SPATA16: variants seen among roughly 807,000 people sequenced by gnomAD.
The protein encoded by SPATA16 is spermatogenesis associated 16, also known as spermatogenesis-associated protein 16.
SPATA16 carries 36 observed loss-of-function variants against 63.3 expected under a neutral mutation model. That is an observed-to-expected ratio of 0.57 (90% CI 0.44 to 0.75). The LOEUF is 0.75. Among genes scored for constraint, SPATA16 ranks in the 30% least tolerant of loss-of-function variants. The probability of loss-of-function intolerance (pLI) is 0.00; values close to 1 mark genes in which losing one functional copy is unlikely to be tolerated. For missense variants in SPATA16, 646 were observed against 679.3 expected, an observed-to-expected ratio of 0.95 and a Z score of 0.54; for synonymous variants, 203 against 216.7, an observed-to-expected ratio of 0.94 and a Z score of 0.56.
chr3:173,071,564 C>G (rs558807490), intron 2 of SPATA16, among the ~76,000 whole-genome samples: 11 of 152,140 alleles, frequency 7.2e-5, no homozygotes, highest in African/African-American at 2.7e-4. Context: ...ACCCATCTTA[C>G]AAGTAATTAA....
chr3:172,983,692 T>C (rs1734374216), intron 4 of SPATA16, among the ~76,000 whole-genome samples: 1 of 151,970 alleles, frequency 6.6e-6, no homozygotes, highest in Non-Finnish European at 1.5e-5. Context: ...AAGATGATGT[T>C]CTTATGGGGA....
At chr3:173,028,472 A>C (rs1280268407) in intron 3 of SPATA16, among the ~76,000 whole-genome samples, 1 of 151,972 alleles carries the variant, frequency 6.6e-6, no homozygotes, top group African/African-American at 2.4e-5. Context: ...TTAGTGAACT[A>C]AGATTAAGAA....
intron 2 of SPATA16, among the ~76,000 whole-genome samples, chr3:173,097,847 A>G (rs554622259): frequency 6.6e-6 from 1 of 152,212 alleles, no homozygotes; most frequent in Non-Finnish European, 1.5e-5. Flanking sequence ...CCAGTCTTCA[A>G]TTGTGTGAAA....
chr3:173,025,480 T>C (rs1735431568), intron 3 of SPATA16, among the ~76,000 whole-genome samples: 1 of 151,902 alleles, frequency 6.6e-6, no homozygotes. Flanking sequence ...TTATAATTTA[T>C]ATACAGTAGT....
At chr3:172,980,892 G>A (rs530118895) in intron 4 of SPATA16, among the ~76,000 whole-genome samples, 3 of 152,210 alleles carry the variant, frequency 2.0e-5, no homozygotes, top group South Asian at 2.1e-4. Flanking sequence ...TGAAAAAGCC[G>A]TGTGCATTCT....
intron 1 of SPATA16, among the ~76,000 whole-genome samples, chr3:173,133,738 G>A (rs951965966): frequency 1.1e-4 from 17 of 152,124 alleles, no homozygotes; most frequent in African/African-American, 3.6e-4. Flanking sequence ...GTGGGAAATT[G>A]TAACACAACT....
intron 6 of SPATA16, among the ~76,000 whole-genome samples, chr3:172,954,811 G>A (rs115956363): frequency 0.01 from 1,576 of 152,294 alleles, 14 homozygotes; most frequent in Non-Finnish European, 0.018. Context: ...CACCAATGCA[G>A]TAGCATTGTT....
intron 4 of SPATA16, among the ~76,000 whole-genome samples, chr3:173,012,838 T>C (rs1363119685): frequency 2.0e-5 from 3 of 152,170 alleles, no homozygotes; most frequent in African/African-American, 7.2e-5. Context: ...GAAGAAAACC[T>C]AGGATATACC....
At chr3:172,892,279 C>G (rs367917354) in intron 10 of SPATA16, among the ~76,000 whole-genome samples, 1 of 152,154 alleles carries the variant, frequency 6.6e-6, no homozygotes, top group Admixed American at 6.6e-5. Context: ...ATTCTGCTCT[C>G]GGGTTGGCTT....
chr3:172,927,771 G>C (rs542493510), intron 6 of SPATA16, among the ~76,000 whole-genome samples: 1 of 152,220 alleles, frequency 6.6e-6, no homozygotes, highest in East Asian at 1.9e-4. Context: ...AAAAATCGAC[G>C]GGAAACATGC....
In SPATA16 at chr3:172,917,931, G is replaced by C. The variant is rs376398893; in HGVS notation, c.1339-1450C>G. Among the ~76,000 whole-genome samples the C allele has an allele frequency of 6.6e-5, 10 of 152,288 alleles. 1 individual carries two copies. The highest frequency in any genetic ancestry group is 2.1e-4 in the South Asian group (1 of 4,826). On this transcript the variant is annotated intron_variant, in intron 8 of 10. Coordinates refer to ENST00000351008, the MANE Select transcript of SPATA16 (RefSeq NM_031955.6). ...CTCTAGAATCTTGGAAATAAAGAAA[G>C]GCTGGCACCATCGTGCTGTATCTGC...
intron 3 of SPATA16, among the ~76,000 whole-genome samples, chr3:173,032,855 A>G (rs1280778154): frequency 2.0e-5 from 3 of 152,180 alleles, no homozygotes; most frequent in Non-Finnish European, 4.4e-5. Context: ...TGCCTGGCAC[A>G]TAATAGGCAG....
rs148309292 is a variant in SPATA16 at position 173,061,786 on chromosome 3, T to C, written c.613-12692A>G. Among the ~76,000 whole-genome samples the C allele has an allele frequency of 6.1e-4, 93 of 152,300 alleles. 1 individual carries two copies. The East Asian group carries it at 0.018, about 29-fold the overall frequency. ...TTGTAACTTTCTACATGGTACCTCATAGATCTACTAAAGTGTCTCCCTGGG... is the reference window on the plus strand; with the variant it reads ...TTGTAACTTTCTACATGGTACCTCACAGATCTACTAAAGTGTCTCCCTGGG... On this transcript the variant is annotated intron_variant, in intron 2 of 10. Transcript: ENST00000351008.
At chr3:172,945,201 AAAAT>A (rs1733251941) in intron 6 of SPATA16, among the ~76,000 whole-genome samples, 1 of 152,192 alleles carries the variant, frequency 6.6e-6, no homozygotes, top group African/African-American at 2.4e-5. Flanking sequence ...CATAACTAAA[AAAAT>A]AAAAGCTTCT....
intron 2 of SPATA16, among the ~76,000 whole-genome samples, chr3:173,116,523 G>A (rs1463119681): frequency 1.3e-5 from 2 of 152,070 alleles, no homozygotes; most frequent in Admixed American, 6.6e-5. Context: ...TTATGCCAAG[G>A]TATTCACAAA....
rs34963451 is a variant in SPATA16 at position 173,091,336 on chromosome 3, C to CTT, written c.612+25782_612+25783dup. Among the ~76,000 whole-genome samples, 602 of 149,306 alleles carry CTT rather than the reference C, an allele frequency of 4.0e-3. 1 individual carries two copies. The highest frequency in any genetic ancestry group is 0.01 in the Middle Eastern group (3 of 292). ...CAAATATAATCATTAATTTATTTGA[C>CTT]TTTTTTTTTTAACTTGCTGCAGTCA... On this transcript the variant is annotated intron_variant, in intron 2 of 10. Coordinates refer to ENST00000351008, the MANE Select transcript of SPATA16 (RefSeq NM_031955.6).
At chr3:173,122,115 A>T (rs972775937) in intron 1 of SPATA16, among the ~76,000 whole-genome samples, 2 of 152,234 alleles carry the variant, frequency 1.3e-5, no homozygotes, top group Non-Finnish European at 2.9e-5. Context: ...TGATTTCCTC[A>T]TAGAAATATG....
At chr3:172,921,339 G>A (rs1315570313) in intron 8 of SPATA16, among the ~76,000 whole-genome samples, 1 of 152,132 alleles carries the variant, frequency 6.6e-6, no homozygotes, top group African/African-American at 2.4e-5. Flanking sequence ...TAAATGTGTT[G>A]CACAAGACAC....
chr3:173,089,904 C>A (rs763552926), intron 2 of SPATA16, among the ~76,000 whole-genome samples: 1 of 152,098 alleles, frequency 6.6e-6, no homozygotes, highest in Non-Finnish European at 1.5e-5. Context: ...CTGACTTGAG[C>A]GTGTTGTAAA....
Sources: gnomAD v4.1 joint callset for allele counts (sites outside exome capture counted in the v4.1 genomes callset) on GRCh38, gnomAD v4.1.1 for gene constraint, MANE v1.5 for transcripts, NCBI Gene and HGNC (gene_info 2026-07-23, HGNC 2026-07-21) for gene names.